Variants in BCKDHB observed in about 807,000 individuals in gnomAD.
BCKDHB encodes the protein branched chain keto acid dehydrogenase E1 subunit beta, also known as 2-oxoisovalerate dehydrogenase subunit beta, mitochondrial.
Under a neutral mutation model 48.5 loss-of-function variants are expected in BCKDHB, and 41 were observed. That is an observed-to-expected ratio of 0.85 (90% CI 0.66 to 1.10). BCKDHB has a LOEUF of 1.10. BCKDHB is among the 50% of genes least tolerant of loss of function. The probability of loss-of-function intolerance (pLI) is 0.00; values close to 1 mark genes in which losing one functional copy is unlikely to be tolerated. For synonymous variants in BCKDHB, 201 were observed against 174.8 expected, an observed-to-expected ratio of 1.15 and a Z score of -1.18; for missense variants, 496 against 494.2, an observed-to-expected ratio of 1.00 and a Z score of -0.03.
the BCKDHB span, among the ~76,000 whole-genome samples, chr6:80,362,266 C>A: frequency 6.6e-6 from 1 of 152,214 alleles, no homozygotes; most frequent in South Asian, 2.1e-4. Flanking sequence ...TGACTCAAAG[C>A]GACACTGTTG....
At chr6:80,124,397 T>C (rs1420332834) in intron 1 of BCKDHB, among the ~76,000 whole-genome samples, 1 of 152,228 alleles carries the variant, frequency 6.6e-6, no homozygotes, top group Admixed American at 6.5e-5. Flanking sequence ...GTTCTGTAGA[T>C]GTCTATTAGG....
chr6:80,303,893 A>G (rs924004439), intron 9 of BCKDHB, among the ~76,000 whole-genome samples: 1 of 152,102 alleles, frequency 6.6e-6, no homozygotes, highest in Non-Finnish European at 1.5e-5. Context: ...ACTTAATGTC[A>G]TAGCTTTAGG....
At chr6:80,406,972 G>T in the BCKDHB span, among the ~76,000 whole-genome samples, 4 of 152,016 alleles carry the variant, frequency 2.6e-5, no homozygotes, top group African/African-American at 9.7e-5. Context: ...TTCCTTCTAG[G>T]GTTTTTATGG....
chr6:80,449,357 G>A, the BCKDHB span, among the ~76,000 whole-genome samples: 2 of 152,236 alleles, frequency 1.3e-5, no homozygotes, highest in African/African-American at 4.8e-5. Flanking sequence ...AACCTAGTAT[G>A]TTCCAAACGT....
the BCKDHB span, chr6:80,443,225 A>C: frequency 1.3e-5 from 2 of 152,192 alleles, no homozygotes; most frequent in African/African-American, 2.4e-5. Context: ...CTGAAAAAAA[A>C]CAGATACTCT....
chr6:80,375,131 G>A, the BCKDHB span, among the ~76,000 whole-genome samples: 1 of 152,104 alleles, frequency 6.6e-6, no homozygotes, highest in African/African-American at 2.4e-5. Context: ...ATGTGTCTAG[G>A]TGATGATCTT....
chr6:80,420,339 C>T, the BCKDHB span, among the ~76,000 whole-genome samples: 486 of 152,312 alleles, frequency 3.2e-3, 3 homozygotes, highest in African/African-American at 0.011. Flanking sequence ...CTGGTAGACA[C>T]GCAGACTTTT....
At chr6:80,383,955 A>G in the BCKDHB span, among the ~76,000 whole-genome samples, 2 of 152,240 alleles carry the variant, frequency 1.3e-5, no homozygotes, top group South Asian at 4.1e-4. Flanking sequence ...ATCTGCCAAT[A>G]CTTTTAAACC....
chr6:80,114,474 CCTGGG>C (rs1769579686), intron 1 of BCKDHB, among the ~76,000 whole-genome samples: 1 of 151,828 alleles, frequency 6.6e-6, no homozygotes, highest in Non-Finnish European at 1.5e-5. Flanking sequence ...GTTTTGAACT[CCTGGG>C]CTCAAGCAGT....
the BCKDHB span, among the ~76,000 whole-genome samples, chr6:80,408,826 CTGGATTCATTGATTTTTT>C: frequency 6.9e-6 from 1 of 145,304 alleles, no homozygotes; most frequent in East Asian, 2.0e-4. Context: ...CAAACAGCTC[CTGGATTCATTGATTTTTT>C]TGAAGGGTTT....
chr6:80,379,589 C>G, the BCKDHB span, among the ~76,000 whole-genome samples: 1 of 151,808 alleles, frequency 6.6e-6, no homozygotes, highest in African/African-American at 2.4e-5. Context: ...ACTGGTAGCC[C>G]AAGCCAGAAC....
chr6:80,213,127 T>C (rs1391432045), intron 8 of BCKDHB, among the ~76,000 whole-genome samples: 1 of 152,174 alleles, frequency 6.6e-6, no homozygotes, highest in African/African-American at 2.4e-5. Context: ...AATATTAAAA[T>C]GTTTTCAATT....
At chr6:80,242,882 A>T (rs1052320536) in intron 8 of BCKDHB, among the ~76,000 whole-genome samples, 7 of 152,170 alleles carry the variant, frequency 4.6e-5, no homozygotes, top group Admixed American at 3.3e-4. Flanking sequence ...AGGTTTCCAG[A>T]GACCCAAATC....
intron 9 of BCKDHB, among the ~76,000 whole-genome samples, chr6:80,291,968 A>G (rs1766938630): frequency 6.6e-6 from 1 of 152,208 alleles, no homozygotes. Flanking sequence ...AAGGAATCTT[A>G]GATAAGACTT....
intron 8 of BCKDHB, among the ~76,000 whole-genome samples, chr6:80,262,526 A>G (rs2127952176): frequency 6.6e-6 from 1 of 152,296 alleles, no homozygotes; most frequent in Admixed American, 6.5e-5. Flanking sequence ...ATATTTCTCA[A>G]AAGACTTAAT....
intron 8 of BCKDHB, among the ~76,000 whole-genome samples, chr6:80,209,203 AATT>A (rs1230986507): frequency 6.6e-6 from 1 of 151,938 alleles, no homozygotes; most frequent in Admixed American, 6.6e-5. Flanking sequence ...CTGCAGCAAA[AATT>A]ATAATTCCTA....
chr6:80,169,874 G>A (rs1772811151), intron 5 of BCKDHB: 1 of 1,599,604 alleles, frequency 6.3e-7, no homozygotes, highest in South Asian at 1.1e-5. Context: ...TGAGCTAGAA[G>A]TTGTAGACTG....
intron 8 of BCKDHB, among the ~76,000 whole-genome samples, chr6:80,218,314 G>A (rs1291796954): frequency 6.6e-6 from 1 of 151,988 alleles, no homozygotes; most frequent in East Asian, 1.9e-4. Context: ...TCTACCTTGG[G>A]AAAGTGGAAT....
intron 8 of BCKDHB, among the ~76,000 whole-genome samples, chr6:80,251,382 G>A (rs1194706149): frequency 1.3e-5 from 2 of 152,184 alleles, no homozygotes; most frequent in Non-Finnish European, 2.9e-5. Flanking sequence ...TCCTGTTCAA[G>A]GTTGGAGGAC....
Sources: allele counts gnomAD v4.1 joint callset (sites outside exome capture counted in the v4.1 genomes callset), GRCh38; gene constraint gnomAD v4.1.1; transcripts MANE v1.5; gene names NCBI Gene and HGNC (gene_info 2026-07-23, HGNC 2026-07-21).